RNLS: variants seen among roughly 807,000 people sequenced by gnomAD.
RNLS encodes the protein renalase, FAD dependent amine oxidase.
RNLS carries 39 observed loss-of-function variants against 39.8 expected under a neutral mutation model. The observed-to-expected ratio is 0.98, with a 90% CI of 0.76 to 1.28. The LOEUF (loss-of-function observed/expected upper bound fraction) is 1.28, where lower values mean the gene tolerates loss of function less well. Among genes scored for constraint, RNLS ranks in the 50% most tolerant of loss-of-function variants. The pLI, the probability that RNLS is intolerant of heterozygous loss-of-function variation, is 0.00. For missense variants in RNLS, 410 were observed against 413.3 expected (o/e 0.99, Z 0.07); for synonymous variants, 147 against 150.7 (o/e 0.98, Z 0.18).
intron 4 of RNLS, among the ~76,000 whole-genome samples, chr10:88,401,562 T>C (rs1434580004): frequency 2.0e-5 from 3 of 152,070 alleles, no homozygotes; most frequent in African/African-American, 7.2e-5. Context: ...AGCAATTCTC[T>C]TGCAGTTCTA....
intron 5 of RNLS, among the ~76,000 whole-genome samples, chr10:88,353,147 A>G (rs1386850189): frequency 6.6e-6 from 1 of 152,126 alleles, no homozygotes; most frequent in Non-Finnish European, 1.5e-5. Flanking sequence ...TTTTCAAAAA[A>G]CCAGCTCCTG....
chr10:88,290,635 G>T (rs1447873505), intron 6 of RNLS, among the ~76,000 whole-genome samples: 1 of 152,064 alleles, frequency 6.6e-6, no homozygotes, highest in African/African-American at 2.4e-5. Context: ...TGTATCTTTT[G>T]CAAACATAAA....
chr10:88,174,764 C>T, the RNLS span, among the ~76,000 whole-genome samples: 1 of 152,104 alleles, frequency 6.6e-6, no homozygotes, highest in African/African-American at 2.4e-5. Context: ...AAAGGTAATG[C>T]TGCCTTGTAA....
At chr10:88,452,296 G>A (rs564407000) in intron 4 of RNLS, among the ~76,000 whole-genome samples, 231 of 152,254 alleles carry the variant, frequency 1.5e-3, no homozygotes, top group Admixed American at 3.3e-3. Context: ...TGGGAACTAC[G>A]GTGATGTAAA....
At chr10:88,279,232 G>T (rs779189844), downstream of RNLS, among the ~76,000 whole-genome samples, 3 of 152,144 alleles carry the variant, frequency 2.0e-5, no homozygotes, top group Non-Finnish European at 2.9e-5. Flanking sequence ...TACAAATACT[G>T]AAGTGGCTTC....
the RNLS span, among the ~76,000 whole-genome samples, chr10:88,245,347 G>A: frequency 2.6e-5 from 4 of 152,172 alleles, no homozygotes; most frequent in Non-Finnish European, 4.4e-5. Context: ...TTATTAAGGC[G>A]CTGGCAGGGA....
At chr10:88,412,257 T>C (rs769215462) in intron 4 of RNLS, among the ~76,000 whole-genome samples, 3 of 152,042 alleles carry the variant, frequency 2.0e-5, no homozygotes, top group Non-Finnish European at 4.4e-5. Flanking sequence ...AACTCTTACG[T>C]GGATCCTATT....
chr10:88,479,784 T>TC, intron 4 of RNLS, among the ~76,000 whole-genome samples: 1 of 130,928 alleles, frequency 7.6e-6, no homozygotes, highest in South Asian at 2.6e-4. Context: ...GACTTTCTTT[T>TC]CTTTTTTTCT....
At chr10:88,353,881 A>C (rs991095989) in intron 5 of RNLS, among the ~76,000 whole-genome samples, 7 of 152,160 alleles carry the variant, frequency 4.6e-5, no homozygotes, top group African/African-American at 1.2e-4. Flanking sequence ...TTGCTTTATG[A>C]ATCTGGGTGC....
At chr10:88,174,819 T>A in the RNLS span, among the ~76,000 whole-genome samples, 226 of 152,292 alleles carry the variant, frequency 1.5e-3, 1 homozygote, top group South Asian at 0.016. Context: ...TTTGGAATAG[T>A]TTGCAAAGAA....
chr10:88,549,348 A>G (rs1221649737), intron 4 of RNLS, among the ~76,000 whole-genome samples: 1 of 151,738 alleles, frequency 6.6e-6, no homozygotes. Context: ...TGAGGCCAAG[A>G]GTTTGAGACC....
chr10:88,446,793 C>A (rs12359950), intron 4 of RNLS, among the ~76,000 whole-genome samples: 26,730 of 152,166 alleles, frequency 0.18, 2,572 homozygotes, highest in Middle Eastern at 0.29. Flanking sequence ...AATCCAGCAA[C>A]ACATCAAAAA....
chr10:88,348,511 C>G (rs792222), intron 5 of RNLS, among the ~76,000 whole-genome samples: 27,329 of 152,048 alleles, frequency 0.18, 3,011 homozygotes, highest in Non-Finnish European at 0.26. Flanking sequence ...ACAAATGGGA[C>G]TTAGGGTATT....
the RNLS span, among the ~76,000 whole-genome samples, chr10:88,239,715 C>T: frequency 6.6e-6 from 1 of 152,214 alleles, no homozygotes; most frequent in Non-Finnish European, 1.5e-5. Flanking sequence ...TTCTCAATAT[C>T]TTGCACATAC....
the RNLS span, among the ~76,000 whole-genome samples, chr10:88,175,291 G>C: frequency 8.6e-5 from 13 of 151,786 alleles, no homozygotes; most frequent in Admixed American, 8.5e-4. Context: ...TTCCCAATTT[G>C]GGGTTTGGTT....
chr10:88,583,088 TGTCCCACACAGCAAGGTACAA>T lies in RNLS; in HGVS notation c.82_102del (p.Leu28_Asp34del). On this transcript the variant is annotated inframe_deletion, in exon 1 of 7. Transcript: ENST00000331772. ...GACAACCCACCTGAGTCCTCAGCCT[TGTCCCACACAGCAAGGTACAA>T]GGGACCGGACGTCTGCCTCCTCAGC... 6.2e-7 allele frequency: 1 copy of T among 1,613,796 alleles called. No homozygotes were observed. The highest frequency in any genetic ancestry group is 1.1e-5 in the South Asian group (1 of 91,038).
chr10:88,540,989 C>T (rs1257619337), intron 4 of RNLS, among the ~76,000 whole-genome samples: 1 of 89,942 alleles, frequency 1.1e-5, no homozygotes, highest in Admixed American at 1.1e-4. Flanking sequence ...CTCCTTACTG[C>T]CAAAAAAAAA....
chr10:88,574,629 A>C (rs1446648852), intron 3 of RNLS, among the ~76,000 whole-genome samples: 1 of 152,200 alleles, frequency 6.6e-6, no homozygotes, highest in Non-Finnish European at 1.5e-5. Flanking sequence ...TAAGCACTCC[A>C]GTTTTTAAAA....
intron 5 of RNLS, among the ~76,000 whole-genome samples, chr10:88,317,533 A>G (rs553021755): frequency 7.9e-5 from 12 of 152,368 alleles, no homozygotes; most frequent in Non-Finnish European, 1.5e-4. Context: ...ATTCCTGGGT[A>G]TAGGCAGAGC....
Sources: gnomAD v4.1 joint callset for allele counts (sites outside exome capture counted in the v4.1 genomes callset) on GRCh38, gnomAD v4.1.1 for gene constraint, MANE v1.5 for transcripts, NCBI Gene and HGNC (gene_info 2026-07-23, HGNC 2026-07-21) for gene names.